Variants in BFAR observed in about 807,000 individuals in gnomAD.
BFAR encodes the protein bifunctional apoptosis regulator.
BFAR carries 52 observed loss-of-function variants against 54.4 expected under a neutral mutation model. The observed-to-expected ratio is 0.96, with a 90% CI of 0.77 to 1.21. BFAR has a LOEUF of 1.21. Ranked by LOEUF, BFAR falls within the 50% of genes most tolerant of loss-of-function variation. The pLI, the probability that BFAR is intolerant of heterozygous loss-of-function variation, is 0.00. For synonymous variants in BFAR, 215 were observed against 204.3 expected (o/e 1.05, Z -0.45); for missense variants, 571 against 534.0 (o/e 1.07, Z -0.68).
rs776274046 is a variant in BFAR at position 14,654,006 on chromosome 16, C to CTT, written c.639-1038_639-1037dup. On this transcript the variant is annotated intron_variant, in intron 4 of 7. Transcript: ENST00000261658. ...GTGAGCCACTGTGCCCATCTAAGAA[C>CTT]TTTTTTTTTTTTTTTTTTTTTTTGA... 3.4e-3 allele frequency among the ~76,000 whole-genome samples: 418 copies of CTT among 121,288 alleles called. 1 individual carries two copies. Among genetic ancestry groups the CTT allele is most frequent in the Non-Finnish European group, 4.2e-3 (249 of 58,848 alleles). The allele number at this position is 121,288 out of a possible 152,430, so 79.6% of individuals were successfully genotyped here. A position where few individuals can be genotyped will look rare whatever the true frequency, so the allele number is the denominator to read the frequency against.
At chr16:14,661,056 A>C (rs1481838334) in intron 5 of BFAR, among the ~76,000 whole-genome samples, 3 of 152,060 alleles carry the variant, frequency 2.0e-5, no homozygotes, top group Non-Finnish European at 4.4e-5. Context: ...TTACTTTTAT[A>C]ATAAGGAAGT....
At chr16:14,642,363 G>C (rs1387845720) in intron 1 of BFAR, among the ~76,000 whole-genome samples, 1 of 152,168 alleles carries the variant, frequency 6.6e-6, no homozygotes, top group Non-Finnish European at 1.5e-5. Flanking sequence ...TGATCAGAGA[G>C]CTTGAGTAAC....
In BFAR at chr16:14,648,314, C is replaced by T. The variant is rs563666128; in HGVS notation, c.264-74C>T. 1.9e-5 allele frequency: 22 copies of T among 1,174,202 alleles called. No homozygotes were observed. In the South Asian group the frequency reaches 2.9e-4, roughly 15 times the overall value. 72.7% of individuals were successfully genotyped at this position (1,174,202 alleles called of 1,614,324 possible). On this transcript the variant is annotated intron_variant, in intron 2 of 7. Coordinates refer to ENST00000261658, the MANE Select transcript of BFAR (RefSeq NM_016561.3). ...CTATATATTATTAGATGTTGACTATCAGGGCTTTTTTGGCCTCTAAACATG... is the reference window on the plus strand; with the variant it reads ...CTATATATTATTAGATGTTGACTATTAGGGCTTTTTTGGCCTCTAAACATG...
At chr16:14,656,543 G>A (rs905463141) in intron 5 of BFAR, among the ~76,000 whole-genome samples, 1 of 150,958 alleles carries the variant, frequency 6.6e-6, no homozygotes. Flanking sequence ...GCTCCTCCAA[G>A]ACACACCACC....
intron 5 of BFAR, among the ~76,000 whole-genome samples, chr16:14,659,391 A>AC (rs1266746940): frequency 2.0e-5 from 3 of 148,970 alleles, no homozygotes; most frequent in African/African-American, 7.5e-5. Context: ...ACAGGTGCCC[A>AC]CCACCACACC....
chr16:14,642,189 A>G (rs1342063883), intron 1 of BFAR, among the ~76,000 whole-genome samples: 1 of 152,202 alleles, frequency 6.6e-6, no homozygotes, highest in Admixed American at 6.5e-5. Context: ...TTCCTTCACA[A>G]TAGCAAGATT....
At chr16:14,654,625 A>G (rs1960071137) in intron 4 of BFAR, among the ~76,000 whole-genome samples, 1 of 149,794 alleles carries the variant, frequency 6.7e-6, no homozygotes, top group Admixed American at 6.8e-5. Flanking sequence ...CTCATGCCTC[A>G]GCCTCCCAAG....
intron 2 of BFAR, among the ~76,000 whole-genome samples, chr16:14,647,618 G>A (rs1212174111): frequency 2.0e-5 from 3 of 151,678 alleles, no homozygotes; most frequent in Admixed American, 1.3e-4. Flanking sequence ...CGGAGGTTGC[G>A]GTAAGCTGAG....
chr16:14,655,307 T>A, intron 5 of BFAR, 97 bp downstream of exon 5: 4 of 967,036 alleles, frequency 4.1e-6, no homozygotes, highest in Non-Finnish European at 5.4e-6. Context: ...TTTTTGACAG[T>A]TTATGTACTT....
chr16:14,643,351 G>C (rs924445951), intron 1 of BFAR, among the ~76,000 whole-genome samples: 4 of 151,958 alleles, frequency 2.6e-5, no homozygotes, highest in African/African-American at 9.7e-5. Flanking sequence ...ACTGAGATCA[G>C]GGAAATTTCA....
At chr16:14,651,321 T>C (rs117127808) in intron 4 of BFAR, among the ~76,000 whole-genome samples, 27 of 152,248 alleles carry the variant, frequency 1.8e-4, no homozygotes, top group Non-Finnish European at 3.1e-4. Flanking sequence ...TGGTTTATTA[T>C]AAAGGATATT....
At chr16:14,649,420 C>A (rs1596977930) in intron 3 of BFAR, among the ~76,000 whole-genome samples, 1 of 152,098 alleles carries the variant, frequency 6.6e-6, no homozygotes, top group East Asian at 1.9e-4. Flanking sequence ...TTACTAACTT[C>A]CAATGTGGAG....
rs1210140079 is a variant in BFAR at position 14,649,914 on chromosome 16, G to C, written c.579G>C (p.Gln193His). 1 of 1,613,694 alleles carries C rather than the reference G, an allele frequency of 6.2e-7. No individual in the cohort carries two copies. Among genetic ancestry groups the C allele is most frequent in the Admixed American group, 1.7e-5 (1 of 59,944 alleles). Residue 193 changes from glutamine to histidine, a missense_variant, in exon 4 of 8, where the codon CAG becomes CAC. Coordinates refer to ENST00000261658, the MANE Select transcript of BFAR (RefSeq NM_016561.3). ...AAGAAGTTGTCCTCTGGCTGGAGCA[G>C]CTGGGCCCTTGGGCATCTCTTTACA... Reference protein sequence around the residue: ...TAEEVVLWLEQLGPWASLYRE... With the variant: ...TAEEVVLWLEHLGPWASLYRE...
intron 6 of BFAR, among the ~76,000 whole-genome samples, chr16:14,663,882 T>C (rs557314065): frequency 2.0e-4 from 30 of 152,258 alleles, no homozygotes; most frequent in African/African-American, 7.0e-4. Context: ...CTTTTTTTTT[T>C]CTGAGCTTCC....
chr16:14,656,660 G>A (rs944335018), intron 5 of BFAR, among the ~76,000 whole-genome samples: 2 of 152,078 alleles, frequency 1.3e-5, no homozygotes, highest in African/African-American at 4.8e-5. Flanking sequence ...ACGGAAAGTT[G>A]TTAAACAAGT....
At chr16:14,664,013 G>A (rs933846875) in intron 6 of BFAR, among the ~76,000 whole-genome samples, 13 of 151,988 alleles carry the variant, frequency 8.6e-5, no homozygotes, top group Non-Finnish European at 1.8e-4. Context: ...AGGCAGAGGC[G>A]GGCAAATCAC....
intron 5 of BFAR, among the ~76,000 whole-genome samples, chr16:14,659,009 G>A (rs1960206820): frequency 6.6e-6 from 1 of 151,520 alleles, no homozygotes; most frequent in Non-Finnish European, 1.5e-5. Context: ...CCAGGTTCGA[G>A]CGATTCCCCT....
intron 4 of BFAR, 128 bp downstream of exon 4, chr16:14,650,101 C>A: frequency 1.1e-6 from 1 of 904,510 alleles, no homozygotes; most frequent in Non-Finnish European, 1.6e-6. Flanking sequence ...GCGGATCGAT[C>A]ATTTGAGGTC....
rs771290548 is a variant in BFAR, at chr16:14,644,633, G to T, written c.263+24G>T. 3.8e-6 allele frequency: 6 copies of T among 1,592,402 alleles called. No individual in the cohort carries two copies. In the South Asian group the frequency reaches 6.7e-5, roughly 18 times the overall value. The stretch of plus-strand genomic sequence containing the variant: ...AGGTAATGTTCAGCCTATATTGGTA[G>T]CACAAACAGCCCATAAAATGTGGTT... On this transcript the variant is annotated intron_variant, in intron 2 of 7. Coordinates refer to ENST00000261658, the MANE Select transcript of BFAR (RefSeq NM_016561.3).
Sources: allele counts gnomAD v4.1 joint callset (sites outside exome capture counted in the v4.1 genomes callset), GRCh38; gene constraint gnomAD v4.1.1; transcripts MANE v1.5; gene names NCBI Gene and HGNC (gene_info 2026-07-23, HGNC 2026-07-21).